Variants in CADM1 observed in about 807,000 individuals in gnomAD.
The protein encoded by CADM1 is TSLC-1.
CADM1 carries 15 observed loss-of-function variants against 53.1 expected under a neutral mutation model. The ratio of observed to expected loss-of-function variants is 0.28; its 90% confidence interval spans 0.19 to 0.44. CADM1 has a LOEUF of 0.44. Ranked by LOEUF, CADM1 falls within the 20% of genes least tolerant of loss-of-function variation. CADM1 has a pLI of 1.00. For missense variants in CADM1, 434 were observed against 611.3 expected (o/e 0.71, Z 3.06); for synonymous variants, 281 against 243.0 (o/e 1.16, Z -1.45).
chr11:115,229,282 G>C lies in CADM1; in HGVS notation c.563-11C>G. 1 of 1,613,932 alleles carries C rather than the reference G, an allele frequency of 6.2e-7. No individual in the cohort carries two copies. The highest frequency in any genetic ancestry group is 8.5e-7 in the Non-Finnish European group (1 of 1,179,854). On this transcript the variant is annotated splice_polypyrimidine_tract_variant and intron_variant, in intron 4 of 11. Coordinates refer to ENST00000331581, the MANE Select transcript of CADM1 (RefSeq NM_001301043.2). Reference sequence around the variant, plus strand: ...CCACCTCCGATTTGCCTGGGGAACAGAAAATGTACCAAGACACCAGAGTTG... The same window carrying C: ...CCACCTCCGATTTGCCTGGGGAACACAAAATGTACCAAGACACCAGAGTTG...
intron 1 of CADM1, among the ~76,000 whole-genome samples, chr11:115,268,067 A>G (rs1476489473): frequency 1.3e-5 from 2 of 152,228 alleles, no homozygotes; most frequent in Non-Finnish European, 2.9e-5. Context: ...CATCTCCAGT[A>G]AGTCTTTACG....
At chr11:115,328,717 T>TATATATATGTATATAC (rs1945044306) in intron 1 of CADM1, among the ~76,000 whole-genome samples, 1 of 94,188 alleles carries the variant, frequency 1.1e-5, no homozygotes. Context: ...TATATATGTG[T>TATATATATGTATATAC]ATATATATGT....
intron 1 of CADM1, among the ~76,000 whole-genome samples, chr11:115,363,949 T>C (rs1946092985): frequency 6.6e-6 from 1 of 152,134 alleles, no homozygotes; most frequent in Admixed American, 6.6e-5. Flanking sequence ...AGTAACATGC[T>C]GTACAGGTCT....
At chr11:115,234,920 A>ATTTGCCC (rs1491336656) in intron 3 of CADM1, among the ~76,000 whole-genome samples, 28 of 146,404 alleles carry the variant, frequency 1.9e-4, no homozygotes, top group African/African-American at 6.9e-4. Flanking sequence ...AAAAAAAAAA[A>ATTTGCCC]ATTTGCCCAG....
intron 1 of CADM1, among the ~76,000 whole-genome samples, chr11:115,469,758 G>A (rs1046949629): frequency 2.4e-5 from 3 of 126,730 alleles, no homozygotes; most frequent in African/African-American, 9.0e-5. Context: ...TGTAACCTCC[G>A]CCTCCCAGGT....
chr11:115,503,341 C>G (rs1949774291), intron 1 of CADM1, among the ~76,000 whole-genome samples: 1 of 152,220 alleles, frequency 6.6e-6, no homozygotes, highest in South Asian at 2.1e-4. Context: ...AGAGCCGCCC[C>G]TGGGCAAATT....
chr11:115,268,905 G>A (rs940350554), intron 1 of CADM1, among the ~76,000 whole-genome samples: 13 of 152,068 alleles, frequency 8.5e-5, no homozygotes, highest in African/African-American at 1.4e-4. Flanking sequence ...CAGAGCTGCC[G>A]TCTTTTCAGT....
intron 1 of CADM1, among the ~76,000 whole-genome samples, chr11:115,272,862 C>A (rs1353440598): frequency 1.3e-5 from 2 of 151,276 alleles, no homozygotes; most frequent in African/African-American, 4.9e-5. Context: ...AACTAACCTG[C>A]ACAATGTGCA....
At chr11:115,293,513 C>A (rs1943965724) in intron 1 of CADM1, among the ~76,000 whole-genome samples, 1 of 152,190 alleles carries the variant, frequency 6.6e-6, no homozygotes, top group Non-Finnish European at 1.5e-5. Flanking sequence ...TCTGAGGTTT[C>A]CATCCCTTAT....
chr11:115,171,907 CCTCT>C lies in CADM1; in HGVS notation c.*4563_*4566del, dbSNP rs911769164. On this transcript the variant is annotated 3_prime_UTR_variant, in exon 12 of 12. Transcript: ENST00000331581. Reference sequence around the variant, plus strand: ...ATATGCAGAGGAGCCCTCAGAGCTCCCTCTGAGTAGTGACCGCTTCTTCGTAGCC... The same window carrying C: ...ATATGCAGAGGAGCCCTCAGAGCTCCGAGTAGTGACCGCTTCTTCGTAGCC... 6.6e-6 allele frequency: 1 copy of C among 152,202 alleles called. No homozygotes were observed. The highest frequency in any genetic ancestry group is 1.5e-5 in the Non-Finnish European group (1 of 68,048). 9.4% of individuals were successfully genotyped at this position (152,202 alleles called of 1,614,324 possible). A position where few individuals can be genotyped will look rare whatever the true frequency, so the allele number is the denominator to read the frequency against.
At chr11:115,275,362 C>T (rs1418191073) in intron 1 of CADM1, among the ~76,000 whole-genome samples, 2 of 152,268 alleles carry the variant, frequency 1.3e-5, no homozygotes, top group East Asian at 3.9e-4. Context: ...TAGACAGGCT[C>T]GCGACTCACA....
At chr11:115,233,513 G>C (rs1170833555) in intron 3 of CADM1, among the ~76,000 whole-genome samples, 3 of 152,120 alleles carry the variant, frequency 2.0e-5, no homozygotes, top group Non-Finnish European at 2.9e-5. Context: ...TACACAGAGA[G>C]ACTAGATGTT....
chr11:115,352,230 T>C (rs955714897), intron 1 of CADM1, among the ~76,000 whole-genome samples: 8 of 152,182 alleles, frequency 5.3e-5, no homozygotes, highest in African/African-American at 1.7e-4. Context: ...ATAACAAAAT[T>C]GTGACGGAAA....
intron 10 of CADM1, among the ~76,000 whole-genome samples, chr11:115,179,695 A>G (rs1415620308): frequency 6.6e-6 from 1 of 152,184 alleles, no homozygotes; most frequent in Non-Finnish European, 1.5e-5. Flanking sequence ...ATACATTAAC[A>G]TTTTGGAGTG....
At chr11:115,271,528 C>T (rs1422920846) in intron 1 of CADM1, among the ~76,000 whole-genome samples, 2 of 152,132 alleles carry the variant, frequency 1.3e-5, no homozygotes, top group African/African-American at 2.4e-5. Context: ...GTGATCCACC[C>T]GCCTCGGCCT....
intron 1 of CADM1, among the ~76,000 whole-genome samples, chr11:115,466,997 A>C (rs1948912234): frequency 6.6e-6 from 1 of 152,208 alleles, no homozygotes; most frequent in Non-Finnish European, 1.5e-5. Flanking sequence ...CTATAATTTA[A>C]ATATGGCAAT....
In CADM1 at chr11:115,283,935, A is replaced by G. The variant is rs542127157; in HGVS notation, c.125-43515T>C. 2.0e-5 allele frequency among the ~76,000 whole-genome samples: 3 copies of G among 152,260 alleles called. No individual in the cohort carries two copies. In the South Asian group the frequency reaches 6.2e-4, roughly 32 times the overall value. Reference sequence around the variant, plus strand: ...TCTCCAGTGCTCAAATGTCTCTTGAATAGGACTGAATGCAATGGACAAGTG... The same window carrying G: ...TCTCCAGTGCTCAAATGTCTCTTGAGTAGGACTGAATGCAATGGACAAGTG... On this transcript the variant is annotated intron_variant, in intron 1 of 11. Transcript: ENST00000331581.
At chr11:115,363,603 C>G (rs1404910765) in intron 1 of CADM1, 3 of 152,118 alleles carry the variant, frequency 2.0e-5, no homozygotes, top group Admixed American at 1.3e-4. Flanking sequence ...TTAAGATAAA[C>G]AGAAATTTGT....
intron 1 of CADM1, among the ~76,000 whole-genome samples, chr11:115,374,795 T>C (rs1946397992): frequency 6.6e-6 from 1 of 152,108 alleles, no homozygotes; most frequent in African/African-American, 2.4e-5. Flanking sequence ...GGACAAGCAG[T>C]CCAGTTTCTT....
Sources: gnomAD v4.1 joint callset for allele counts (sites outside exome capture counted in the v4.1 genomes callset) on GRCh38, gnomAD v4.1.1 for gene constraint, MANE v1.5 for transcripts, NCBI Gene and HGNC (gene_info 2026-07-23, HGNC 2026-07-21) for gene names.